Variants in AOAH observed in about 807,000 individuals in gnomAD.
AOAH encodes acyloxyacyl hydrolase.
AOAH carries 64 observed loss-of-function variants against 92.2 expected under a neutral mutation model. The ratio of observed to expected loss-of-function variants is 0.69; its 90% CI spans 0.57 to 0.86. The LOEUF (loss-of-function observed/expected upper bound fraction) is 0.86, where lower values mean the gene tolerates loss of function less well. Among genes scored for constraint, AOAH ranks in the 40% least tolerant of loss-of-function variants. AOAH has a pLI of 0.00. For synonymous variants in AOAH, 263 were observed against 254.5 expected (o/e 1.03, Z -0.32); for missense variants, 656 against 694.6 (o/e 0.94, Z 0.62).
intron 11 of AOAH, among the ~76,000 whole-genome samples, chr7:36,611,026 G>T (rs564083072): frequency 1.3e-5 from 2 of 152,278 alleles, no homozygotes; most frequent in African/African-American, 4.8e-5. Context: ...GGAGTGGTTG[G>T]TGGTTATTAT....
intron 4 of AOAH, among the ~76,000 whole-genome samples, chr7:36,641,277 A>G (rs1166126742): frequency 1.3e-5 from 2 of 152,204 alleles, no homozygotes; most frequent in African/African-American, 4.8e-5. Context: ...TCTGGCCTTC[A>G]AAACTGGCAT....
At chr7:36,695,814 A>G (rs1378017718) in intron 1 of AOAH, among the ~76,000 whole-genome samples, 1 of 152,210 alleles carries the variant, frequency 6.6e-6, no homozygotes, top group Non-Finnish European at 1.5e-5. Context: ...AATTGGATAA[A>G]GTACAACTTA....
chr7:36,578,353 C>G (rs1272930178), intron 12 of AOAH, among the ~76,000 whole-genome samples: 1 of 152,008 alleles, frequency 6.6e-6, no homozygotes, highest in Non-Finnish European at 1.5e-5. Context: ...ATAGAGTATG[C>G]TAGAAAGTTC....
At chr7:36,658,880 G>C (rs945803714) in intron 4 of AOAH, among the ~76,000 whole-genome samples, 14 of 152,262 alleles carry the variant, frequency 9.2e-5, no homozygotes, top group Non-Finnish European at 1.8e-4. Flanking sequence ...AAGTGATAGG[G>C]ATTTAAACCT....
intron 13 of AOAH, among the ~76,000 whole-genome samples, chr7:36,556,583 G>C (rs1488798063): frequency 6.7e-6 from 1 of 149,594 alleles, no homozygotes; most frequent in African/African-American, 2.5e-5. Context: ...TGACAGTGGG[G>C]TGTTAAAGTC....
chr7:36,714,187 T>C (rs887161336), intron 1 of AOAH, among the ~76,000 whole-genome samples: 24 of 152,172 alleles, frequency 1.6e-4, no homozygotes, highest in African/African-American at 5.6e-4. Context: ...CATCAGAGAA[T>C]GCTATAAACA....
chr7:36,719,679 C>G lies in AOAH; in HGVS notation c.127+4343G>C, dbSNP rs372056358. On this transcript the variant is annotated intron_variant, in intron 1 of 20. Coordinates refer to ENST00000617537, the MANE Select transcript of AOAH (RefSeq NM_001637.4). Reference sequence around the variant, plus strand: ...GACACGGTGGCTCATGCTTATAATCCCAGCACTTTGGGAGGCTGAGGCAGA... The same window carrying G: ...GACACGGTGGCTCATGCTTATAATCGCAGCACTTTGGGAGGCTGAGGCAGA... Among the ~76,000 whole-genome samples, 6 of 152,010 alleles carry G rather than the reference C, an allele frequency of 3.9e-5. No individual in the cohort carries two copies. In the East Asian group the frequency reaches 9.6e-4, roughly 24 times the overall value.
At position 36,659,235 on chromosome 7, in the gene AOAH, T is replaced by C; in HGVS notation, c.321A>G (p.Val107=). Residue 107 remains valine, a synonymous_variant, in exon 4 of 21, where the codon GTA becomes GTG. Coordinates refer to ENST00000617537, the MANE Select transcript of AOAH (RefSeq NM_001637.4). ...LLSADMNADV[V]CHTLEFCKQN... Reference sequence around the variant, plus strand: ...GTTTACAAAACTCCAGAGTGTGACATACCACATCAGCATTCATATCTGCGC... The same window carrying C: ...GTTTACAAAACTCCAGAGTGTGACACACCACATCAGCATTCATATCTGCGC... 6.2e-7 allele frequency: 1 copy of C among 1,614,136 alleles called. No homozygotes were observed. Among genetic ancestry groups the C allele is most frequent in the Non-Finnish European group, 8.5e-7 (1 of 1,179,972 alleles).
intron 4 of AOAH, 76 bp from the exon 5 acceptor site, chr7:36,637,986 A>G: frequency 8.1e-7 from 1 of 1,236,910 alleles, no homozygotes; most frequent in Admixed American, 2.0e-5. Context: ...AAATTAGGAT[A>G]TTTAAAGTCC....
chr7:36,591,567 C>A (rs1040326824), intron 12 of AOAH, among the ~76,000 whole-genome samples: 1 of 152,168 alleles, frequency 6.6e-6, no homozygotes, highest in Non-Finnish European at 1.5e-5. Context: ...TTCCCCTTAC[C>A]CCATTGCCAT....
chr7:36,678,179 T>A (rs1228891242), intron 2 of AOAH, among the ~76,000 whole-genome samples: 1 of 152,184 alleles, frequency 6.6e-6, no homozygotes, highest in East Asian at 1.9e-4. Context: ...GGGGTGCTAC[T>A]GTGGAGAGGG....
At chr7:36,666,779 T>G (rs1041561073) in intron 3 of AOAH, among the ~76,000 whole-genome samples, 3 of 152,142 alleles carry the variant, frequency 2.0e-5, no homozygotes, top group Non-Finnish European at 4.4e-5. Flanking sequence ...TCAATTTTAT[T>G]TAGTTCAAAA....
chr7:36,719,752 G>T (rs1799499111), intron 1 of AOAH, among the ~76,000 whole-genome samples: 1 of 151,998 alleles, frequency 6.6e-6, no homozygotes, highest in South Asian at 2.1e-4. Flanking sequence ...ACAACATAAT[G>T]AGACCCTGTC....
intron 1 of AOAH, among the ~76,000 whole-genome samples, chr7:36,717,754 T>A (rs1799327021): frequency 7.6e-6 from 1 of 131,426 alleles, no homozygotes; most frequent in South Asian, 2.5e-4. Flanking sequence ...CTTAGCCTAG[T>A]TTAAGTTAAT....
intron 1 of AOAH, among the ~76,000 whole-genome samples, chr7:36,715,077 C>A (rs571659495): frequency 6.6e-6 from 1 of 152,126 alleles, no homozygotes; most frequent in Non-Finnish European, 1.5e-5. Context: ...ATCTAGAAAA[C>A]CCCATCATCT....
chr7:36,720,146 T>TTTTTG (rs1554328551), intron 1 of AOAH, among the ~76,000 whole-genome samples: 2 of 151,826 alleles, frequency 1.3e-5, no homozygotes, highest in Non-Finnish European at 2.9e-5. Context: ...AAAGTTTTTT[T>TTTTTG]TTTTGTTTTG....
chr7:36,711,057 G>T (rs1798738019), intron 1 of AOAH, among the ~76,000 whole-genome samples: 1 of 152,142 alleles, frequency 6.6e-6, no homozygotes, highest in East Asian at 1.9e-4. Flanking sequence ...CACTCTGCAG[G>T]TCTTAACCCC....
intron 6 of AOAH, among the ~76,000 whole-genome samples, chr7:36,629,524 GC>G (rs1792922953): frequency 6.6e-6 from 1 of 152,136 alleles, no homozygotes; most frequent in South Asian, 2.1e-4. Context: ...TCTGATATCT[GC>G]CCCCTACTCC....
chr7:36,717,762 A>T (rs1799327683), intron 1 of AOAH, among the ~76,000 whole-genome samples: 2 of 119,136 alleles, frequency 1.7e-5, no homozygotes, highest in Non-Finnish European at 1.7e-5. Flanking sequence ...AGTTTAAGTT[A>T]ATTCCTGTTA....
Sources: allele counts gnomAD v4.1 joint callset (sites outside exome capture counted in the v4.1 genomes callset), GRCh38; gene constraint gnomAD v4.1.1; transcripts MANE v1.5; gene names NCBI Gene and HGNC (gene_info 2026-07-23, HGNC 2026-07-21).